The following EXD1 variants were observed in gnomAD, a reference collection of about 807,000 sequenced individuals.
EXD1 encodes exonuclease 3'-5' domain containing 1.
In EXD1, 63 loss-of-function variants were observed where a neutral mutation model predicts 49.1. That is an observed-to-expected ratio of 1.28 (90% CI 1.05 to 1.58). The LOEUF (loss-of-function observed/expected upper bound fraction) is 1.58, where lower values mean the gene tolerates loss of function less well. Among genes scored for constraint, EXD1 ranks in the 40% most tolerant of loss-of-function variants. EXD1 has a pLI of 0.00. For synonymous variants in EXD1, 234 were observed against 239.2 expected (o/e 0.98, Z 0.20); for missense variants, 748 against 666.0 (o/e 1.12, Z -1.36).
chr15:41,197,321 G>A (rs561672364), intron 7 of EXD1, among the ~76,000 whole-genome samples: 5 of 150,286 alleles, frequency 3.3e-5, no homozygotes, highest in African/African-American at 9.8e-5. Context: ...TCTGCTGTCC[G>A]GGTTCTCGCC....
intron 6 of EXD1, among the ~76,000 whole-genome samples, chr15:41,210,984 C>T (rs758879340): frequency 2.6e-5 from 4 of 152,246 alleles, no homozygotes; most frequent in African/African-American, 4.8e-5. Context: ...GCTGCAGAAC[C>T]GGCAACAAAA....
At chr15:41,191,720 A>G (rs988005072) in intron 9 of EXD1, 135 bp from the exon 10 acceptor site, 4 of 818,544 alleles carry the variant, frequency 4.9e-6, no homozygotes, top group Non-Finnish European at 7.3e-6. Flanking sequence ...TCATCGGAAA[A>G]TTTAAAGTTG....
intron 7 of EXD1, among the ~76,000 whole-genome samples, chr15:41,198,560 G>A (rs913923510): frequency 6.6e-6 from 1 of 151,928 alleles, no homozygotes; most frequent in African/African-American, 2.4e-5. Flanking sequence ...GCATGGTGGT[G>A]CACCTGTGGT....
intron 7 of EXD1, among the ~76,000 whole-genome samples, chr15:41,209,141 G>C (rs1249687220): frequency 6.6e-6 from 1 of 152,166 alleles, no homozygotes; most frequent in African/African-American, 2.4e-5. Flanking sequence ...ATCTACCAGT[G>C]AGCCAGGTGC....
rs1286051661 is a variant in EXD1 at position 41,209,511 on chromosome 15, C to T, written c.524G>A (p.Cys175Tyr). 6.2e-7 allele frequency: 1 copy of T among 1,613,950 alleles called. No individual in the cohort carries two copies. The highest frequency in any genetic ancestry group is 8.5e-7 in the Non-Finnish European group (1 of 1,180,002). Residue 175 changes from cysteine (C) to tyrosine (Y), a missense_variant, in exon 7 of 12, where the codon TGC becomes TAC. Physicochemically the swap from Cys to Tyr is radical, Grantham distance 194 (BLOSUM62 -2). Coordinates refer to ENST00000458580, the MANE Select transcript of EXD1 (RefSeq NM_001286441.2). ...GANVCRHGKLCWLQVATNCRV... is the reference protein window; with the variant it reads ...GANVCRHGKLYWLQVATNCRV... ...TCAAAAATCTTTCACCTGCAGCCAG[C>T]ACAGTTTGCCATGGCGACATACATT...
intron 1 of EXD1, among the ~76,000 whole-genome samples, chr15:41,229,215 C>T (rs1435241150): frequency 3.9e-5 from 6 of 152,210 alleles, no homozygotes; most frequent in Admixed American, 1.3e-4. Context: ...CGGGGACTCA[C>T]GCCTGTAATC....
rs113123804 is a variant in EXD1 at position 41,188,010 on chromosome 15, C to T, written c.1056+1927G>A. Among the ~76,000 whole-genome samples the T allele has an allele frequency of 3.6e-3, 293 of 80,402 alleles. 4 individuals carry two copies. Among genetic ancestry groups the T allele is most frequent in the African/African-American group, 0.014 (278 of 20,272 alleles). The allele number at this position is 80,402 out of a possible 152,430, so 52.7% of individuals were successfully genotyped here. ...AGCCTGGGCAACAAGAGCGAAACCC[C>T]GTCTCAAAAAAAAAAAAAAAAAAAA... On this transcript the variant is annotated intron_variant, in intron 11 of 11. Coordinates refer to ENST00000458580, the MANE Select transcript of EXD1 (RefSeq NM_001286441.2).
intron 7 of EXD1, among the ~76,000 whole-genome samples, chr15:41,208,393 A>G (rs1413310048): frequency 6.8e-6 from 1 of 146,172 alleles, no homozygotes; most frequent in East Asian, 2.0e-4. Context: ...AAAAAAAAAA[A>G]GTAAAGGAAG....
intron 2 of EXD1, among the ~76,000 whole-genome samples, chr15:41,224,278 T>C (rs1175871221): frequency 6.6e-6 from 1 of 152,174 alleles, no homozygotes; most frequent in African/African-American, 2.4e-5. Context: ...ACCTTATTTC[T>C]GTATGTGTCC....
intron 7 of EXD1, among the ~76,000 whole-genome samples, chr15:41,202,713 C>G (rs114707274): frequency 0.032 from 4,927 of 152,144 alleles, 300 homozygotes; most frequent in African/African-American, 0.11. Flanking sequence ...GCAATCCTCC[C>G]ACTTCAGCCT....
chr15:41,226,222 A>G (rs897070304), intron 2 of EXD1, among the ~76,000 whole-genome samples: 3 of 152,126 alleles, frequency 2.0e-5, no homozygotes, highest in Non-Finnish European at 2.9e-5. Flanking sequence ...ACTGCACTCC[A>G]GCCTGGGCAA....
chr15:41,194,243 A>C (rs899022759), intron 9 of EXD1, among the ~76,000 whole-genome samples: 5 of 151,730 alleles, frequency 3.3e-5, no homozygotes, highest in African/African-American at 1.2e-4. Context: ...AATCTCCTGA[A>C]CTCGTGATCT....
In EXD1 at chr15:41,191,581, G is replaced by C; in HGVS notation, c.725C>G (p.Ala242Gly). The change falls in exon 10 of 12, where the codon GCA becomes GGA. Residue 242 changes from alanine (A) to glycine (G), a missense_variant. Physicochemically the swap from Ala to Gly is moderately conservative, Grantham distance 60 (BLOSUM62 0). Coordinates refer to ENST00000458580, the MANE Select transcript of EXD1 (RefSeq NM_001286441.2). ...LLNNVFDTQV[A>G]DVLQFSMETG... is the part of the protein sequence containing the mutation. ...TTCCATGGAAAACTGAAGTACATCT[G>C]CTACCTGTGGTATTTTAAAAAGACA... 5 of 1,613,750 alleles carry C rather than the reference G, an allele frequency of 3.1e-6. No individual in the cohort carries two copies. The highest frequency in any genetic ancestry group is 4.2e-6 in the Non-Finnish European group (5 of 1,179,872).
At chr15:41,189,402 G>A (rs1461570419) in intron 11 of EXD1, among the ~76,000 whole-genome samples, 8 of 150,364 alleles carry the variant, frequency 5.3e-5, no homozygotes, top group Non-Finnish European at 1.0e-4. Flanking sequence ...GGTGGTTCAT[G>A]CCTGTAATCC....
chr15:41,192,280 T>A (rs1009276724), intron 9 of EXD1: 1 of 152,422 alleles, frequency 6.6e-6, no homozygotes. Context: ...CAACTTTGCG[T>A]TTCCTTAACT....
At chr15:41,207,944 G>T (rs2046859074) in intron 7 of EXD1, among the ~76,000 whole-genome samples, 1 of 151,348 alleles carries the variant, frequency 6.6e-6, no homozygotes, top group Non-Finnish European at 1.5e-5. Context: ...CTGGGAGGCG[G>T]CGGTTGTAGT....
At chr15:41,220,522 T>C (rs1279275111) in intron 2 of EXD1, among the ~76,000 whole-genome samples, 2 of 152,160 alleles carry the variant, frequency 1.3e-5, no homozygotes, top group Non-Finnish European at 2.9e-5. Flanking sequence ...CCTCCCAAAG[T>C]GCTGGGATTA....
Position 41,196,053 on chromosome 15 carries a change from C to G in EXD1, c.535-16G>C. 6.3e-7 allele frequency: 1 copy of G among 1,587,346 alleles called. No individual in the cohort carries two copies. Among genetic ancestry groups the G allele is most frequent in the Non-Finnish European group, 8.6e-7 (1 of 1,163,028 alleles). ...TTGTGGCCACCTACAATAGACCATC[C>G]AGACACACATACCATAGGATAAGAA... On this transcript the variant is annotated splice_polypyrimidine_tract_variant and intron_variant, in intron 7 of 11. Coordinates refer to ENST00000458580, the MANE Select transcript of EXD1 (RefSeq NM_001286441.2).
intron 1 of EXD1, among the ~76,000 whole-genome samples, chr15:41,229,985 C>G (rs1309297118): frequency 2.0e-5 from 3 of 151,868 alleles, no homozygotes; most frequent in African/African-American, 7.3e-5. Context: ...TTATCTTATA[C>G]GTGTTCTAAC....
Sources: gnomAD v4.1 joint callset for allele counts (sites outside exome capture counted in the v4.1 genomes callset) on GRCh38, gnomAD v4.1.1 for gene constraint, MANE v1.5 for transcripts, NCBI Gene and HGNC (gene_info 2026-07-23, HGNC 2026-07-21) for gene names.